NAA35: variants seen among roughly 807,000 people sequenced by gnomAD.
NAA35 encodes the protein MAK10 homolog, amino-acid N-acetyltransferase subunit.
Under a neutral mutation model 101.7 loss-of-function variants are expected in NAA35, and 18 were observed. That is an observed-to-expected ratio of 0.18 (90% CI 0.12 to 0.26). The LOEUF is 0.26. Ranked by LOEUF, NAA35 falls within the 10% of genes least tolerant of loss-of-function variation. The pLI, the probability that NAA35 is intolerant of heterozygous loss-of-function variation, is 1.00. For synonymous variants in NAA35, 267 were observed against 273.1 expected (o/e 0.98, Z 0.22); for missense variants, 601 against 886.8 (o/e 0.68, Z 4.09).
chr9:85,941,560 T>G, intron 1 of NAA35: 2 of 985,830 alleles, frequency 2.0e-6, no homozygotes, highest in Non-Finnish European at 2.4e-6. Flanking sequence ...GGGGCTGGGC[T>G]GGGCTGACCC....
chr9:85,982,179 A>G (rs1333265323), intron 11 of NAA35, among the ~76,000 whole-genome samples: 1 of 152,166 alleles, frequency 6.6e-6, no homozygotes. Context: ...GGTTACATGG[A>G]GCACTGTACT....
chr9:85,959,095 G>A (rs1273052174), intron 4 of NAA35, among the ~76,000 whole-genome samples: 2 of 151,970 alleles, frequency 1.3e-5, no homozygotes, highest in South Asian at 2.1e-4. Flanking sequence ...TTTAGTTTTC[G>A]GCTGGGTGCG....
intron 2 of NAA35, among the ~76,000 whole-genome samples, chr9:85,946,304 G>A (rs573717726): frequency 2.1e-3 from 318 of 152,100 alleles, no homozygotes; most frequent in African/African-American, 6.4e-3. Context: ...GCTATGCCTG[G>A]CTTATTTTGT....
At chr9:85,942,066 C>A (rs1033554402) in intron 1 of NAA35, 89 bp from the exon 2 acceptor site, 42 of 1,527,852 alleles carry the variant, frequency 2.7e-5, no homozygotes, top group Non-Finnish European at 2.2e-5. Context: ...GTTAAGACTT[C>A]ATCCTATGCT....
intron 10 of NAA35, among the ~76,000 whole-genome samples, chr9:85,978,013 G>C (rs1311548842): frequency 2.7e-5 from 4 of 146,242 alleles, no homozygotes. Context: ...TGCTTCTTTG[G>C]TTTTTATTGT....
At chr9:85,989,332 G>C (rs1297117113) in intron 11 of NAA35, among the ~76,000 whole-genome samples, 2 of 152,086 alleles carry the variant, frequency 1.3e-5, no homozygotes, top group Non-Finnish European at 2.9e-5. Context: ...TTAGCTGGGC[G>C]TGGTAGTGGG....
intron 11 of NAA35, among the ~76,000 whole-genome samples, chr9:85,980,105 C>T (rs1356810022): frequency 6.6e-6 from 1 of 152,104 alleles, no homozygotes; most frequent in Non-Finnish European, 1.5e-5. Context: ...ATTGTGGAGG[C>T]TATAGGATGT....
intron 19 of NAA35, among the ~76,000 whole-genome samples, chr9:86,017,917 T>C (rs1267294899): frequency 6.6e-6 from 1 of 152,174 alleles, no homozygotes; most frequent in Admixed American, 6.5e-5. Flanking sequence ...AGATGGAATT[T>C]AGGTTTTTTA....
At chr9:85,988,463 T>C (rs1200381183) in intron 11 of NAA35, among the ~76,000 whole-genome samples, 1 of 152,090 alleles carries the variant, frequency 6.6e-6, no homozygotes, top group African/African-American at 2.4e-5. Context: ...AGAGATCTCA[T>C]TGAAAATAGC....
chr9:85,951,149 A>G (rs1252772065), intron 2 of NAA35, among the ~76,000 whole-genome samples: 2 of 152,174 alleles, frequency 1.3e-5, no homozygotes, highest in Non-Finnish European at 2.9e-5. Context: ...AAAAAAAAAA[A>G]AAATGATAAC....
intron 6 of NAA35, among the ~76,000 whole-genome samples, chr9:85,970,041 G>A (rs1030404540): frequency 2.2e-4 from 33 of 152,216 alleles, no homozygotes; most frequent in African/African-American, 5.8e-4. Flanking sequence ...AGATTTTGAC[G>A]TAGTCATCAC....
At chr9:85,989,421 A>AGATC (rs1830797459) in intron 11 of NAA35, among the ~76,000 whole-genome samples, 1 of 152,154 alleles carries the variant, frequency 6.6e-6, no homozygotes, top group South Asian at 2.1e-4. Flanking sequence ...TGGTGAGCTG[A>AGATC]GATCGCAGCA....
chr9:85,982,729 G>A (rs1830484982), intron 11 of NAA35, among the ~76,000 whole-genome samples: 1 of 152,118 alleles, frequency 6.6e-6, no homozygotes, highest in African/African-American at 2.4e-5. Context: ...AAACTTGGTG[G>A]GTTGAACACA....
intron 2 of NAA35, among the ~76,000 whole-genome samples, chr9:85,954,640 G>GT (rs1458346170): frequency 2.0e-5 from 3 of 152,060 alleles, no homozygotes; most frequent in Non-Finnish European, 4.4e-5. Flanking sequence ...TTTTTTAGCC[G>GT]TAAGTGCATG....
At chr9:85,949,139 C>T (rs1828893384) in intron 2 of NAA35, among the ~76,000 whole-genome samples, 1 of 152,112 alleles carries the variant, frequency 6.6e-6, no homozygotes, top group Non-Finnish European at 1.5e-5. Context: ...GGAGCCTTTT[C>T]ACTTTGATGC....
chr9:86,020,910 G>A lies in NAA35; in HGVS notation c.2059G>A (p.Ala687Thr). ...TCAGGTTAATAGAATTTTAAAGGTTGCCAAACCCAACTTTGTGGTTATGAA... is the reference window on the plus strand; with the variant it reads ...TCAGGTTAATAGAATTTTAAAGGTTACCAAACCCAACTTTGTGGTTATGAA... ...DHEVNRILKV[A>T]KPNFVVMKLL... The change falls in exon 22 of 23, where the codon GCC (alanine) becomes ACC (threonine). Residue 687 changes from alanine (A) to threonine (T), a missense_variant. By Grantham distance (58) the Ala-to-Thr change is moderately conservative. Transcript: ENST00000361671. The A allele has an allele frequency of 6.2e-7, 1 of 1,613,252 alleles. No homozygotes were observed. The highest frequency in any genetic ancestry group is 8.5e-7 in the Non-Finnish European group (1 of 1,179,478).
rs373005586 is a variant in NAA35, at chr9:86,012,897, C to G, written c.1291-149C>G. On this transcript the variant is annotated intron_variant, in intron 15 of 22. Coordinates refer to ENST00000361671, the MANE Select transcript of NAA35 (RefSeq NM_024635.4). The stretch of plus-strand genomic sequence containing the variant: ...GGTGTTGAGTTCCTTAAAACAAACA[C>G]CTATGTAAAATTAAAAGTATACATA... 7.2e-4 allele frequency: 302 copies of G among 416,666 alleles called. 5 individuals are homozygous for G. The South Asian group carries it at 0.031, about 43-fold the overall frequency. The allele number at this position is 416,666 out of a possible 1,614,324, so 25.8% of individuals were successfully genotyped here.
rs1309126911 is a variant in NAA35, at chr9:86,024,069, AC to A, written c.*2110del. On this transcript the variant is annotated 3_prime_UTR_variant, in exon 23 of 23. Transcript: ENST00000361671. ...AAGTAATCTGCCATTCAAGGTACTT[AC>A]TGAAAAAAACAATAGGAGAAATAAG... is the stretch of plus-strand genomic sequence containing the variant. 6.6e-6 allele frequency among the ~76,000 whole-genome samples: 1 copy of A among 152,264 alleles called. No homozygotes were observed. The highest frequency in any genetic ancestry group is 1.5e-5 in the Non-Finnish European group (1 of 68,036).
intron 2 of NAA35, among the ~76,000 whole-genome samples, chr9:85,943,055 A>C (rs1828593606): frequency 6.6e-6 from 1 of 152,178 alleles, no homozygotes; most frequent in African/African-American, 2.4e-5. Flanking sequence ...CTGGAATATA[A>C]GCTCCGTGGG....
Sources: gnomAD v4.1 joint callset for allele counts (sites outside exome capture counted in the v4.1 genomes callset) on GRCh38, gnomAD v4.1.1 for gene constraint, MANE v1.5 for transcripts, NCBI Gene and HGNC (gene_info 2026-07-23, HGNC 2026-07-21) for gene names.